The following ARHGEF11 variants were observed in gnomAD, a reference collection of about 807,000 sequenced individuals.
ARHGEF11 encodes the protein Rho guanine exchange factor (GEF) 11.
In ARHGEF11, 55 loss-of-function variants were observed where a neutral mutation model predicts 193.7. The ratio of observed to expected loss-of-function variants is 0.28; its 90% CI spans 0.23 to 0.36. ARHGEF11 has a LOEUF of 0.36. ARHGEF11 is among the 10% of genes least tolerant of loss of function. ARHGEF11 has a pLI of 1.00. For synonymous variants in ARHGEF11, 693 were observed against 768.0 expected, an observed-to-expected ratio of 0.90 and a Z score of 1.62; for missense variants, 1,723 against 2,005.6, an observed-to-expected ratio of 0.86 and a Z score of 2.69.
intron 2 of ARHGEF11, 29 bp from the exon 3 acceptor site, chr1:156,984,466 G>T (rs1460621991): frequency 2.0e-6 from 3 of 1,536,430 alleles, no homozygotes; most frequent in Non-Finnish European, 1.8e-6. Flanking sequence ...GGTTGAGTAC[G>T]CAGTGTCACT....
At chr1:156,974,076 CT>C (rs764547003) in intron 7 of ARHGEF11, among the ~76,000 whole-genome samples, 131 of 146,144 alleles carry the variant, frequency 9.0e-4, no homozygotes, top group East Asian at 6.1e-3. Flanking sequence ...TTTTCTTTTT[CT>C]TTTTTTTTTT....
intron 1 of ARHGEF11, among the ~76,000 whole-genome samples, chr1:156,991,503 A>T (rs938200141): frequency 6.6e-6 from 1 of 151,656 alleles, no homozygotes; most frequent in Non-Finnish European, 1.5e-5. Flanking sequence ...TATTTTTTAT[A>T]GAGATGGGGT....
intron 5 of ARHGEF11, 148 bp from the exon 6 acceptor site, chr1:156,978,530 TTC>T: frequency 7.5e-7 from 1 of 1,330,120 alleles, no homozygotes; most frequent in Non-Finnish European, 9.8e-7. Context: ...GCCCCACCCA[TTC>T]TCTAATCCCT....
In ARHGEF11 at chr1:156,951,617, T is replaced by G. The variant is rs1659118499; in HGVS notation, c.1881A>C (p.Arg627=). The G allele has an allele frequency of 5.6e-6, 9 of 1,613,910 alleles. No homozygotes were observed. Among genetic ancestry groups the G allele is most frequent in the Non-Finnish European group, 7.6e-6 (9 of 1,179,976 alleles). ...QYDAPEPGTQ[R]LSTGSFPEDL... is the part of the protein sequence containing the mutation. ...CCTCAGGAAAGCTTCCGGTCGAGAGTCGTTGTGTCCCAGGTTCTGGGGCAT... is the reference window on the plus strand; with the variant it reads ...CCTCAGGAAAGCTTCCGGTCGAGAGGCGTTGTGTCCCAGGTTCTGGGGCAT... The change falls in exon 22 of 41, where the codon CGA becomes CGC. Residue 627 remains arginine (R), a synonymous_variant. Coordinates refer to ENST00000368194, the MANE Select transcript of ARHGEF11 (RefSeq NM_198236.3).
Position 156,948,680 on chromosome 1 carries a change from G to C in ARHGEF11, c.1926-182C>G. 1 of 1,534,096 alleles carries C rather than the reference G, an allele frequency of 6.5e-7. No individual in the cohort carries two copies. The highest frequency in any genetic ancestry group is 8.7e-7 in the Non-Finnish European group (1 of 1,145,584). On this transcript the variant is annotated intron_variant, in intron 22 of 40. Transcript: ENST00000368194. This position sits in a 1 kb window ranked among gnomAD's most constrained non-coding sequence, Gnocchi z 4.2. ...TTCTCAATGACAGACTATTTTTGCT[G>C]CTCTACAAACTCCTCCTCTCTCCCC...
chr1:157,017,960 A>C (rs1485328041), intron 1 of ARHGEF11, among the ~76,000 whole-genome samples: 1 of 152,116 alleles, frequency 6.6e-6, no homozygotes, highest in Non-Finnish European at 1.5e-5. Context: ...GAGAATTAAC[A>C]AAAAAGCTAT....
At chr1:157,039,489 A>T (rs1476703892) in intron 1 of ARHGEF11, among the ~76,000 whole-genome samples, 1 of 152,118 alleles carries the variant, frequency 6.6e-6, no homozygotes, top group Admixed American at 6.5e-5. Context: ...ATCTAACATG[A>T]CTTTTTATGA....
chr1:156,985,112 G>A (rs560187751), intron 2 of ARHGEF11, among the ~76,000 whole-genome samples: 3 of 152,050 alleles, frequency 2.0e-5, no homozygotes, highest in South Asian at 2.1e-4. Context: ...ACTAGACATC[G>A]TACATGTGTA....
chr1:156,948,235 AG>A lies in ARHGEF11; in HGVS notation c.2106-8del. On this transcript the variant is annotated splice_region_variant and splice_polypyrimidine_tract_variant and intron_variant, in intron 23 of 40. Coordinates refer to ENST00000368194, the MANE Select transcript of ARHGEF11 (RefSeq NM_198236.3). The surrounding 1 kb of genome is among the most constrained non-coding windows in gnomAD (Gnocchi z 4.2). ...GGTTGGGTTCTCAAGAGACCTGTGG[AG>A]GGAATGTCAACTCTCAGCAACCCTC... 1 of 1,592,600 alleles carries A rather than the reference AG, an allele frequency of 6.3e-7. No homozygotes were observed. Among genetic ancestry groups the A allele is most frequent in the Non-Finnish European group, 8.6e-7 (1 of 1,166,030 alleles).
At chr1:157,038,664 T>G (rs887197796) in intron 1 of ARHGEF11, among the ~76,000 whole-genome samples, 5 of 152,248 alleles carry the variant, frequency 3.3e-5, no homozygotes, top group South Asian at 2.1e-4. Context: ...CTGCCAGATT[T>G]TTGTGATTTT....
intron 32 of ARHGEF11, among the ~76,000 whole-genome samples, chr1:156,943,265 T>C (rs933126585): frequency 6.6e-6 from 1 of 152,184 alleles, no homozygotes; most frequent in African/African-American, 2.4e-5. Flanking sequence ...TTCACCATGT[T>C]GGCCAGGCTG....
chr1:157,007,268 G>C (rs1485187686), intron 1 of ARHGEF11, among the ~76,000 whole-genome samples: 1 of 152,182 alleles, frequency 6.6e-6, no homozygotes, highest in Non-Finnish European at 1.5e-5. Context: ...AGAATAAAAT[G>C]GCTGGGGATA....
intron 21 of ARHGEF11, among the ~76,000 whole-genome samples, chr1:156,953,626 AAAAT>A (rs1659447445): frequency 6.6e-6 from 1 of 152,242 alleles, no homozygotes; most frequent in Non-Finnish European, 1.5e-5. Flanking sequence ...ACTTTTACAT[AAAAT>A]AAATTGCAGT....
At chr1:156,976,871 T>C (rs1663333974) in intron 7 of ARHGEF11, 112 bp downstream of exon 7, 2 of 977,968 alleles carry the variant, frequency 2.0e-6, no homozygotes, top group East Asian at 4.8e-5. Context: ...TTTTGAGGTT[T>C]TACTGTGATA....
chr1:156,997,541 C>T (rs1045105565), intron 1 of ARHGEF11, among the ~76,000 whole-genome samples: 1 of 152,162 alleles, frequency 6.6e-6, no homozygotes, highest in Non-Finnish European at 1.5e-5. Flanking sequence ...ACCTGAAAGA[C>T]AGCGATGCGT....
At chr1:156,965,125 A>G (rs1221085553) in intron 11 of ARHGEF11, among the ~76,000 whole-genome samples, 1 of 152,206 alleles carries the variant, frequency 6.6e-6, no homozygotes, top group African/African-American at 2.4e-5. Flanking sequence ...GAAACTGGAA[A>G]TTATACTCTA....
In ARHGEF11 at chr1:156,969,356, G is replaced by A. The variant is rs34257823; in HGVS notation, c.751C>T (p.Arg251Trp). 928 of 1,604,800 alleles carry A rather than the reference G, an allele frequency of 5.8e-4. 6 individuals carry two copies. In the African/African-American group the frequency reaches 0.011, roughly 19 times the overall value. ...GDTSQRPSEG[R>W]LSLDSQEGDS... The stretch of plus-strand genomic sequence containing the variant: ...CCCTCCTGGGAATCCAGAGAGAGCC[G>A]GCCTGAGAAGAAAATAGTTTCTATA... Residue 251 changes from arginine (R) to tryptophan (W), a missense_variant and splice_region_variant, in exon 10 of 41, where the codon CGG (arginine) becomes TGG (tryptophan). Physicochemically the swap from Arg to Trp is moderately radical, Grantham distance 101. This residue lies in a region of ARHGEF11 where 646 missense variants were observed against 710.7 expected (regional missense o/e 0.91). Coordinates refer to ENST00000368194, the MANE Select transcript of ARHGEF11 (RefSeq NM_198236.3).
chr1:157,010,082 T>G (rs917785060), intron 1 of ARHGEF11, among the ~76,000 whole-genome samples: 1 of 152,064 alleles, frequency 6.6e-6, no homozygotes, highest in East Asian at 1.9e-4. Flanking sequence ...GCCTGTAACC[T>G]CAAAACTTAG....
At chr1:157,046,754 G>A (rs1434685186), upstream of ARHGEF11, among the ~76,000 whole-genome samples, 2 of 152,114 alleles carry the variant, frequency 1.3e-5, no homozygotes, top group Non-Finnish European at 2.9e-5. Flanking sequence ...AAGGTGCCGA[G>A]CGTTATGATT....
Sources: allele counts gnomAD v4.1 joint callset (sites outside exome capture counted in the v4.1 genomes callset), GRCh38; gene constraint gnomAD v4.1.1; regional missense constraint gnomAD v4.1.1; non-coding constraint Gnocchi (gnomAD v3.1); transcripts MANE v1.5; gene names NCBI Gene and HGNC (gene_info 2026-07-23, HGNC 2026-07-21).